The following ARPC1A variants were observed in gnomAD, a reference collection of about 807,000 sequenced individuals.
ARPC1A encodes actin related protein 2/3 complex subunit 1A, also known as actin-related protein 2/3 complex subunit 1A.
Under a neutral mutation model 46.9 loss-of-function variants are expected in ARPC1A, and 8 were observed. The ratio of observed to expected loss-of-function variants is 0.17; its 90% CI spans 0.10 to 0.31. The LOEUF (loss-of-function observed/expected upper bound fraction) is 0.31. Among genes scored for constraint, ARPC1A ranks in the 10% least tolerant of loss-of-function variants. The probability of loss-of-function intolerance (pLI) is 1.00; values close to 1 mark genes in which losing one functional copy is unlikely to be tolerated. For missense variants in ARPC1A, 286 were observed against 483.6 expected (o/e 0.59, Z 3.83); for synonymous variants, 152 against 169.0 (o/e 0.90, Z 0.78).
intron 6 of ARPC1A, among the ~76,000 whole-genome samples, chr7:99,356,022 A>G (rs1170527853): frequency 1.3e-5 from 2 of 152,176 alleles, no homozygotes; most frequent in Non-Finnish European, 1.5e-5. Context: ...CATTTTGTTC[A>G]GTATATGTTG....
intron 9 of ARPC1A, among the ~76,000 whole-genome samples, chr7:99,364,272 T>C (rs1268087781): frequency 5.4e-5 from 8 of 146,862 alleles, no homozygotes; most frequent in African/African-American, 1.5e-4. Context: ...CTCTCTCTTT[T>C]TTTTTTTTTT....
At chr7:99,345,904 T>G (rs1447289549) in intron 4 of ARPC1A, among the ~76,000 whole-genome samples, 3 of 152,088 alleles carry the variant, frequency 2.0e-5, no homozygotes, top group East Asian at 3.8e-4. Context: ...AAAAAGAGAT[T>G]GGGAATTTGC....
At chr7:99,355,768 T>C (rs540521673) in intron 6 of ARPC1A, among the ~76,000 whole-genome samples, 65 of 152,012 alleles carry the variant, frequency 4.3e-4, no homozygotes, top group South Asian at 1.7e-3. Context: ...TAGTTTAGTC[T>C]GTTACTCTGA....
Position 99,359,651 on chromosome 7 carries a change from C to T in ARPC1A, c.896C>T (p.Ala299Val). 6.2e-7 allele frequency: 1 copy of T among 1,614,148 alleles called. No homozygotes were observed. The highest frequency in any genetic ancestry group is 8.5e-7 in the Non-Finnish European group (1 of 1,180,038). ...PKQSIQRNMSAMERFRNMDKR... is the reference protein window; with the variant it reads ...PKQSIQRNMSVMERFRNMDKR... Reference sequence around the variant, plus strand: ...CAGAGCATCCAACGCAACATGTCTGCCATGGAACGCTTCCGCAACATGGAC... The same window carrying T: ...CAGAGCATCCAACGCAACATGTCTGTCATGGAACGCTTCCGCAACATGGAC... The change falls in exon 8 of 10, where the codon GCC becomes GTC. Residue 299 changes from alanine to valine, a missense_variant. Transcript: ENST00000262942.
chr7:99,331,952 C>T (rs1793150506), intron 1 of ARPC1A, among the ~76,000 whole-genome samples: 1 of 152,080 alleles, frequency 6.6e-6, no homozygotes, highest in Non-Finnish European at 1.5e-5. Flanking sequence ...TCAACTTTCA[C>T]TTATCAAATT....
chr7:99,339,899 A>G (rs540555345), intron 3 of ARPC1A: 2 of 439,600 alleles, frequency 4.5e-6, no homozygotes, highest in African/African-American at 4.0e-5. Context: ...GCCTCATCAG[A>G]TTGCCATCAT....
At chr7:99,340,366 T>C (rs925534253) in intron 3 of ARPC1A, among the ~76,000 whole-genome samples, 2 of 152,180 alleles carry the variant, frequency 1.3e-5, no homozygotes, top group Middle Eastern at 3.2e-3. Context: ...TTTCACCACA[T>C]TGGACAGGCT....
intron 3 of ARPC1A, among the ~76,000 whole-genome samples, chr7:99,341,389 C>G (rs1007190386): frequency 6.6e-6 from 1 of 152,038 alleles, no homozygotes; most frequent in African/African-American, 2.4e-5. Flanking sequence ...GGGCTGATCA[C>G]CTGAGGTCGG....
At chr7:99,352,947 A>G (rs558282283) in intron 5 of ARPC1A, among the ~76,000 whole-genome samples, 1 of 150,830 alleles carries the variant, frequency 6.6e-6, no homozygotes, top group African/African-American at 2.5e-5. Flanking sequence ...CTGGGCAACA[A>G]GAGCAAGACT....
At chr7:99,339,785 G>A (rs767911168) in intron 3 of ARPC1A, 6 of 277,714 alleles carry the variant, frequency 2.2e-5, no homozygotes, top group Admixed American at 8.0e-5. Context: ...ACATGAAAGT[G>A]CTGAATAGGC....
rs201492150 is a variant in ARPC1A, at chr7:99,334,032, T to C, written c.64+615T>C. Among the ~76,000 whole-genome samples the C allele has an allele frequency of 7.7e-3, 879 of 113,478 alleles. 7 individuals are homozygous for C. Among genetic ancestry groups the C allele is most frequent in the East Asian group, 0.035 (105 of 3,018 alleles). The allele number at this position is 113,478 out of a possible 152,430, so 74.4% of individuals were successfully genotyped here. On this transcript the variant is annotated intron_variant, in intron 2 of 9. Coordinates refer to ENST00000262942, the MANE Select transcript of ARPC1A (RefSeq NM_006409.4). Reference sequence around the variant, plus strand: ...ACACACACACACACACACACACACATATATATGTATTTTTTTTTTTTGAGA... The same window carrying C: ...ACACACACACACACACACACACACACATATATGTATTTTTTTTTTTTGAGA...
Position 99,348,787 on chromosome 7 carries a change from C to T in ARPC1A, c.393-65C>T, listed in dbSNP as rs1335104867. Reference sequence around the variant, plus strand: ...TACTTAGGTATTTTCACCTGACATACATTTGTAGGTCATTTGGGGATGCTG... The same window carrying T: ...TACTTAGGTATTTTCACCTGACATATATTTGTAGGTCATTTGGGGATGCTG... On this transcript the variant is annotated intron_variant, in intron 4 of 9. Transcript: ENST00000262942. The T allele has an allele frequency of 1.2e-5, 16 of 1,300,976 alleles. No individual in the cohort carries two copies. In the Admixed American group the frequency reaches 2.9e-4, roughly 24 times the overall value. 80.6% of individuals were successfully genotyped at this position (1,300,976 alleles called of 1,614,324 possible). A position where few individuals can be genotyped will look rare whatever the true frequency, so the allele number is the denominator to read the frequency against.
At chr7:99,338,898 G>T (rs1001380081) in intron 3 of ARPC1A, among the ~76,000 whole-genome samples, 3 of 152,182 alleles carry the variant, frequency 2.0e-5, no homozygotes, top group African/African-American at 7.2e-5. Context: ...TGAAAATGTA[G>T]ACAACACGAA....
chr7:99,329,493 T>C (rs2150856773), intron 1 of ARPC1A, among the ~76,000 whole-genome samples: 1 of 152,292 alleles, frequency 6.6e-6, no homozygotes, highest in South Asian at 2.1e-4. Context: ...TTCAAGCTAT[T>C]AGGAATTTCT....
At chr7:99,343,828 AG>A (rs1020086848) in intron 3 of ARPC1A, among the ~76,000 whole-genome samples, 2 of 152,188 alleles carry the variant, frequency 1.3e-5, no homozygotes, top group African/African-American at 4.8e-5. Context: ...TTTACACTAA[AG>A]ATTATTTTTA....
chr7:99,341,186 G>A (rs930123356), intron 3 of ARPC1A, among the ~76,000 whole-genome samples: 2 of 152,034 alleles, frequency 1.3e-5, no homozygotes, highest in African/African-American at 4.8e-5. Flanking sequence ...GCAAGCACCT[G>A]TAATCCCAGC....
chr7:99,349,640 C>G (rs1285366449), intron 5 of ARPC1A, among the ~76,000 whole-genome samples: 1 of 152,036 alleles, frequency 6.6e-6, no homozygotes, highest in Admixed American at 6.6e-5. Flanking sequence ...AGATCGAGAC[C>G]ATCCTGGCTA....
chr7:99,354,330 G>A (rs1793596207), intron 6 of ARPC1A, among the ~76,000 whole-genome samples: 1 of 151,808 alleles, frequency 6.6e-6, no homozygotes, highest in South Asian at 2.1e-4. Flanking sequence ...AGACCAGCCT[G>A]GCCAAGATGG....
chr7:99,329,649 A>G (rs1242606968), intron 1 of ARPC1A, among the ~76,000 whole-genome samples: 2 of 152,236 alleles, frequency 1.3e-5, no homozygotes, highest in Non-Finnish European at 2.9e-5. Context: ...ATGTCCAAAT[A>G]TGGAACTTGA....
Sources: allele counts gnomAD v4.1 joint callset (sites outside exome capture counted in the v4.1 genomes callset), GRCh38; gene constraint gnomAD v4.1.1; transcripts MANE v1.5; gene names NCBI Gene and HGNC (gene_info 2026-07-23, HGNC 2026-07-21).